DLGAP4: variants seen among roughly 807,000 people sequenced by gnomAD.
DLGAP4 encodes DLG associated protein 4, also known as disks large-associated protein 4.
DLGAP4 carries 18 observed loss-of-function variants against 86.9 expected under a neutral mutation model. The observed-to-expected ratio is 0.21, with a 90% CI of 0.14 to 0.31. The LOEUF is 0.31. DLGAP4 is among the 10% of genes least tolerant of loss of function. DLGAP4 has a pLI of 1.00. For synonymous variants in DLGAP4, 548 were observed against 574.3 expected, an observed-to-expected ratio of 0.95 and a Z score of 0.65; for missense variants, 1,085 against 1,362.6, an observed-to-expected ratio of 0.80 and a Z score of 3.21.
At chr20:36,348,826 CGTGGTG>C (rs1555893223) in intron 1 of DLGAP4, among the ~76,000 whole-genome samples, 1 of 150,790 alleles carries the variant, frequency 6.6e-6, no homozygotes, top group Non-Finnish European at 1.5e-5. Flanking sequence ...TGGGGCCAGG[CGTGGTG>C]GCTTATGCCT....
At chr20:36,443,788 A>T (rs1211902431) in intron 6 of DLGAP4, among the ~76,000 whole-genome samples, 2 of 151,738 alleles carry the variant, frequency 1.3e-5, no homozygotes, top group African/African-American at 4.8e-5. Context: ...ACACTGACAG[A>T]CTCCACAGTG....
intron 2 of DLGAP4, among the ~76,000 whole-genome samples, chr20:36,367,811 TCCAA>T (rs2147414966): frequency 6.6e-6 from 1 of 152,164 alleles, no homozygotes; most frequent in Non-Finnish European, 1.5e-5. Flanking sequence ...CTGCCCCGTC[TCCAA>T]CCGTCTGTCT....
intron 2 of DLGAP4, among the ~76,000 whole-genome samples, chr20:36,416,493 C>T (rs577498010): frequency 3.9e-5 from 6 of 152,282 alleles, no homozygotes; most frequent in Admixed American, 2.6e-4. Context: ...GGAACCCGGG[C>T]GAACCAGGAT....
chr20:36,483,920 A>G (rs1427473062), intron 7 of DLGAP4, among the ~76,000 whole-genome samples: 1 of 152,174 alleles, frequency 6.6e-6, no homozygotes, highest in Non-Finnish European at 1.5e-5. Flanking sequence ...CCCAGGAATA[A>G]AGGGCCCATT....
chr20:36,379,269 G>A (rs895904004), intron 2 of DLGAP4, among the ~76,000 whole-genome samples: 2 of 152,224 alleles, frequency 1.3e-5, no homozygotes, highest in Non-Finnish European at 2.9e-5. Context: ...AGGCCTCGAG[G>A]GCCAGGCCCA....
chr20:36,486,202 C>CT, intron 7 of DLGAP4, among the ~76,000 whole-genome samples: 1 of 152,284 alleles, frequency 6.6e-6, no homozygotes, highest in Middle Eastern at 3.4e-3. Context: ...ATATAAGATA[C>CT]TCAAGGTCCC....
At chr20:36,344,378 C>A (rs2065415273) in intron 1 of DLGAP4, among the ~76,000 whole-genome samples, 1 of 152,164 alleles carries the variant, frequency 6.6e-6, no homozygotes, top group African/African-American at 2.4e-5. Flanking sequence ...AAGTCAGCCT[C>A]CCGAAATAAT....
chr20:36,328,901 G>A (rs1469816450), intron 1 of DLGAP4, among the ~76,000 whole-genome samples: 2 of 151,942 alleles, frequency 1.3e-5, no homozygotes, highest in African/African-American at 4.8e-5. Context: ...TCAGCCTCCT[G>A]AGTAGCTGCG....
At chr20:36,362,778 G>A (rs2030562923) in intron 1 of DLGAP4, among the ~76,000 whole-genome samples, 1 of 152,142 alleles carries the variant, frequency 6.6e-6, no homozygotes. Context: ...TAATGATATG[G>A]GCTGAGAAAA....
intron 10 of DLGAP4, chr20:36,510,985 T>A (rs945022365): frequency 6.6e-6 from 1 of 152,238 alleles, no homozygotes; most frequent in African/African-American, 2.4e-5. Context: ...ATATAAATTA[T>A]AGAATTTGTA....
intron 1 of DLGAP4, among the ~76,000 whole-genome samples, chr20:36,330,852 C>T (rs558735095): frequency 2.0e-5 from 3 of 152,182 alleles, no homozygotes; most frequent in South Asian, 2.1e-4. Context: ...GGATTACAGG[C>T]GTGAGCCGCC....
At chr20:36,511,623 C>T (rs1226143968) in intron 10 of DLGAP4, among the ~76,000 whole-genome samples, 1 of 151,842 alleles carries the variant, frequency 6.6e-6, no homozygotes, top group Non-Finnish European at 1.5e-5. Flanking sequence ...TCCTATAATC[C>T]CAGCACTTTG....
chr20:36,494,812 G>C (rs1394683739), intron 7 of DLGAP4, among the ~76,000 whole-genome samples: 1 of 151,944 alleles, frequency 6.6e-6, no homozygotes, highest in Admixed American at 6.6e-5. Context: ...TGTTCTCTAG[G>C]TCATTTCAAG....
intron 7 of DLGAP4, among the ~76,000 whole-genome samples, chr20:36,494,281 A>C (rs538417316): frequency 6.6e-6 from 1 of 152,292 alleles, no homozygotes; most frequent in African/African-American, 2.4e-5. Flanking sequence ...CCCTGGGCTT[A>C]ACATCGTGGC....
At chr20:36,349,762 A>G (rs989526717) in intron 1 of DLGAP4, among the ~76,000 whole-genome samples, 9 of 152,194 alleles carry the variant, frequency 5.9e-5, no homozygotes, top group African/African-American at 1.2e-4. Flanking sequence ...TGGAGTAATT[A>G]CTAACAGCTT....
intron 10 of DLGAP4, among the ~76,000 whole-genome samples, chr20:36,502,083 T>C (rs533435709): frequency 3.9e-4 from 60 of 152,342 alleles, no homozygotes; most frequent in African/African-American, 1.3e-3. Context: ...AATCATCATT[T>C]CTATTAATTT....
At chr20:36,443,262 G>A (rs978246268) in intron 6 of DLGAP4, among the ~76,000 whole-genome samples, 4 of 152,176 alleles carry the variant, frequency 2.6e-5, no homozygotes, top group African/African-American at 7.2e-5. Context: ...ACTTCACACA[G>A]GTTGGTGAGG....
In DLGAP4 at chr20:36,458,428, T is replaced by C. The variant is rs534479475; in HGVS notation, c.1648+11491T>C. 5.5e-5 allele frequency among the ~76,000 whole-genome samples: 8 copies of C among 145,322 alleles called. No homozygotes were observed. The South Asian group carries it at 1.4e-3, about 25-fold the overall frequency. ...AGTGCCATGGCGAGGGGTTTCACCATGTTGGTCAGGCTGGTCTTGAACTCC... is the reference window on the plus strand; with the variant it reads ...AGTGCCATGGCGAGGGGTTTCACCACGTTGGTCAGGCTGGTCTTGAACTCC... On this transcript the variant is annotated intron_variant, in intron 7 of 12. Coordinates refer to ENST00000339266, the MANE Select transcript of DLGAP4 (RefSeq NM_001365621.2).
chr20:36,467,036 CT>C (rs2034423324), intron 7 of DLGAP4, among the ~76,000 whole-genome samples: 1 of 126,654 alleles, frequency 7.9e-6, no homozygotes, highest in Non-Finnish European at 1.6e-5. Context: ...CTCTCTCTCT[CT>C]CTCTCTCTCT....
Sources: allele counts gnomAD v4.1 joint callset (sites outside exome capture counted in the v4.1 genomes callset), GRCh38; gene constraint gnomAD v4.1.1; transcripts MANE v1.5; gene names NCBI Gene and HGNC (gene_info 2026-07-23, HGNC 2026-07-21).